The following SNX9 variants were observed in gnomAD, a reference collection of about 807,000 sequenced individuals.
SNX9 encodes the protein sorting nexin 9.
In SNX9, 44 loss-of-function variants were observed where a neutral mutation model predicts 89.4. The ratio of observed to expected loss-of-function variants is 0.49; its 90% CI spans 0.39 to 0.63. SNX9 has a LOEUF of 0.63. Ranked by LOEUF, SNX9 falls within the 30% of genes least tolerant of loss-of-function variation. The pLI is 0.00. For missense variants in SNX9, 578 were observed against 736.1 expected (o/e 0.79, Z 2.49); for synonymous variants, 236 against 247.8 (o/e 0.95, Z 0.45).
intron 2 of SNX9, among the ~76,000 whole-genome samples, chr6:157,871,465 G>A (rs531941503): frequency 6.6e-6 from 1 of 152,228 alleles, no homozygotes; most frequent in African/African-American, 2.4e-5. Context: ...ATTCATAGGT[G>A]GGAATTGAAC....
rs559569804 is a variant in SNX9 at position 157,905,922 on chromosome 6, G to T, written c.621-206G>T. Reference sequence around the variant, plus strand: ...ACATCACACCTTCTGGAGTCAAACTGTTCTGTTTACCAGATCAAGCTTAAT... The same window carrying T: ...ACATCACACCTTCTGGAGTCAAACTTTTCTGTTTACCAGATCAAGCTTAAT... On this transcript the variant is annotated intron_variant, in intron 6 of 17. Transcript: ENST00000392185. Among the ~76,000 whole-genome samples the T allele has an allele frequency of 6.6e-5, 10 of 152,270 alleles. No individual in the cohort carries two copies. In the East Asian group the frequency reaches 1.9e-3, roughly 29 times the overall value.
chr6:157,944,476 CATATAA>C lies in SNX9; in HGVS notation c.*1642_*1647del, dbSNP rs1784103795. ...GAATGTAAGAGCATGTAGAAGCCAA[CATATAA>C]ATAAATTGTTTAAAAAAACTGTACA... is the stretch of plus-strand genomic sequence containing the variant. On this transcript the variant is annotated 3_prime_UTR_variant, in exon 18 of 18. Coordinates refer to ENST00000392185, the MANE Select transcript of SNX9 (RefSeq NM_016224.5). 6.6e-6 allele frequency: 1 copy of C among 152,544 alleles called. No homozygotes were observed. The highest frequency in any genetic ancestry group is 2.1e-4 in the South Asian group (1 of 4,822). 9.4% of individuals were successfully genotyped at this position (152,544 alleles called of 1,614,324 possible). A position where few individuals can be genotyped will look rare whatever the true frequency, so the allele number is the denominator to read the frequency against.
At chr6:157,871,237 C>T (rs777562999) in intron 2 of SNX9, among the ~76,000 whole-genome samples, 12 of 151,872 alleles carry the variant, frequency 7.9e-5, no homozygotes, top group African/African-American at 9.7e-5. Flanking sequence ...AAAATTTAGC[C>T]GGGTGTGGTA....
At chr6:157,867,173 G>A (rs953775230) in intron 1 of SNX9, among the ~76,000 whole-genome samples, 3 of 152,052 alleles carry the variant, frequency 2.0e-5, no homozygotes, top group Admixed American at 6.6e-5. Flanking sequence ...GGCTGGTCTC[G>A]AACCCCTGGC....
chr6:157,878,543 C>T (rs1024444603), intron 4 of SNX9, among the ~76,000 whole-genome samples: 1 of 151,820 alleles, frequency 6.6e-6, no homozygotes, highest in Non-Finnish European at 1.5e-5. Flanking sequence ...AATGATTCTC[C>T]TGCGTCAATC....
chr6:157,931,590 T>C (rs769463503), intron 12 of SNX9, among the ~76,000 whole-genome samples: 6 of 152,222 alleles, frequency 3.9e-5, no homozygotes, highest in Non-Finnish European at 7.4e-5. Flanking sequence ...CATCTCTTCA[T>C]GCAGATGAGA....
Position 157,906,113 on chromosome 6 carries a change from T to C in SNX9, c.621-15T>C, listed in dbSNP as rs747701061. ...GAAAGTCTTAAGACTGATGAACATT[T>C]ATATTCATGATTAGATTTCCTGGAT... is the stretch of plus-strand genomic sequence containing the variant. On this transcript the variant is annotated splice_polypyrimidine_tract_variant and intron_variant, in intron 6 of 17. Coordinates refer to ENST00000392185, the MANE Select transcript of SNX9 (RefSeq NM_016224.5). The C allele has an allele frequency of 2.5e-6, 4 of 1,603,274 alleles. No individual in the cohort carries two copies. The highest frequency in any genetic ancestry group is 2.6e-6 in the Non-Finnish European group (3 of 1,173,512).
rs2770105 is a variant in SNX9 at position 157,827,572 on chromosome 6, T to C, written c.12+4126T>C. On this transcript the variant is annotated intron_variant, in intron 1 of 17. Transcript: ENST00000392185. ...TATTATAGTTTATATAATATATAAA[T>C]ATATATTATATTATAGTTTATATAT... 6.4e-3 allele frequency among the ~76,000 whole-genome samples: 625 copies of C among 97,442 alleles called. 74 individuals are homozygous for C. In the East Asian group the frequency reaches 0.073, roughly 11 times the overall value. The allele number at this position is 97,442 out of a possible 152,430, so 63.9% of individuals were successfully genotyped here. A position where few individuals can be genotyped will look rare whatever the true frequency, so the allele number is the denominator to read the frequency against.
chr6:157,918,005 C>G (rs895542853), intron 9 of SNX9, among the ~76,000 whole-genome samples: 1 of 152,032 alleles, frequency 6.6e-6, no homozygotes, highest in Non-Finnish European at 1.5e-5. Flanking sequence ...AGTCCTCTTA[C>G]ATTTATTGAG....
chr6:157,909,001 C>T (rs1178603507), intron 7 of SNX9, among the ~76,000 whole-genome samples: 2 of 152,168 alleles, frequency 1.3e-5, no homozygotes, highest in East Asian at 3.8e-4. Context: ...TAGCAGTCCA[C>T]GGAAGAAAAC....
chr6:157,872,156 C>T (rs1368473396), intron 2 of SNX9, among the ~76,000 whole-genome samples: 4 of 151,700 alleles, frequency 2.6e-5, no homozygotes, highest in Non-Finnish European at 5.9e-5. Context: ...TGGGACCTGC[C>T]CCTTAACATT....
At chr6:157,877,293 C>G (rs1782540672) in intron 4 of SNX9, among the ~76,000 whole-genome samples, 1 of 151,592 alleles carries the variant, frequency 6.6e-6, no homozygotes. Flanking sequence ...GGGGGGGCAT[C>G]TAGTCTAACA....
chr6:157,930,043 A>G (rs545854557), intron 12 of SNX9, among the ~76,000 whole-genome samples: 11 of 152,226 alleles, frequency 7.2e-5, no homozygotes, highest in African/African-American at 2.6e-4. Context: ...GTTTCAACAG[A>G]AACTTGTGGC....
In SNX9 at chr6:157,896,836, G is replaced by A. The variant is rs765199294; in HGVS notation, c.310G>A (p.Gly104Ser). The A allele has an allele frequency of 4.3e-6, 7 of 1,612,622 alleles. No homozygotes were observed. The South Asian group carries it at 6.6e-5, about 15-fold the overall frequency. The change falls in exon 5 of 18, where the codon GGC becomes AGC. Residue 104 changes from glycine (G) to serine (S), a missense_variant. Physicochemically the swap from Gly to Ser is moderately conservative, Grantham distance 56. Transcript: ENST00000392185. ...AASNNHQVGS[G>S]NDPWSAWSAS... is the part of the protein sequence containing the mutation. ...TTACCCCTCTCAATAGGTTGGCAGT[G>A]GCAATGACCCCTGGTCAGCCTGGAG... is the stretch of plus-strand genomic sequence containing the variant.
intron 1 of SNX9, among the ~76,000 whole-genome samples, chr6:157,844,600 G>GTTTTTTTTTTTTTTTTTTTTTTTTTTTTT (rs34836632): frequency 4.6e-5 from 6 of 131,806 alleles, no homozygotes; most frequent in South Asian, 2.5e-4. Context: ...TTTTTTTTTT[G>GTTTTTTTTTTTTTTTTTTTTTTTTTTTTT]TTTTTTTTTT....
chr6:157,883,133 C>T (rs1448963070), intron 4 of SNX9, among the ~76,000 whole-genome samples: 1 of 152,174 alleles, frequency 6.6e-6, no homozygotes, highest in Admixed American at 6.5e-5. Context: ...ACCCCCCCGC[C>T]ACCCCAGCAA....
chr6:157,940,048 C>T (rs1023228311), intron 16 of SNX9, among the ~76,000 whole-genome samples: 3 of 152,168 alleles, frequency 2.0e-5, no homozygotes, highest in Non-Finnish European at 2.9e-5. Flanking sequence ...TCCTCCTGCC[C>T]TGTGAGAGGT....
intron 1 of SNX9, among the ~76,000 whole-genome samples, chr6:157,854,446 G>A (rs1204215354): frequency 2.0e-5 from 3 of 152,188 alleles, no homozygotes; most frequent in Non-Finnish European, 4.4e-5. Context: ...TAAATGAAAT[G>A]TAGAAGAGCA....
In SNX9 at chr6:157,942,894, C is replaced by A; in HGVS notation, c.*56C>A. ...TGCTTTCTCCTGACTTGGGGCAATGCAATTCAAAACTTTTTTTCCCCTATT... is the reference window on the plus strand; with the variant it reads ...TGCTTTCTCCTGACTTGGGGCAATGAAATTCAAAACTTTTTTTCCCCTATT... On this transcript the variant is annotated 3_prime_UTR_variant, in exon 18 of 18. Transcript: ENST00000392185. 4 of 1,506,308 alleles carry A rather than the reference C, an allele frequency of 2.7e-6. No homozygotes were observed. Among genetic ancestry groups the A allele is most frequent in the Admixed American group, 2.2e-5 (1 of 45,266 alleles). 93.3% of individuals were successfully genotyped at this position (1,506,308 alleles called of 1,614,324 possible).
Sources: gnomAD v4.1 joint callset for allele counts (sites outside exome capture counted in the v4.1 genomes callset) on GRCh38, gnomAD v4.1.1 for gene constraint, MANE v1.5 for transcripts, NCBI Gene and HGNC (gene_info 2026-07-23, HGNC 2026-07-21) for gene names.